The following UNC13C variants were observed in gnomAD, a reference collection of about 807,000 sequenced individuals.
UNC13C encodes unc-13 homolog C.
UNC13C carries 174 observed loss-of-function variants against 245.4 expected under a neutral mutation model. The ratio of observed to expected loss-of-function variants is 0.71; its 90% CI spans 0.63 to 0.80. UNC13C has a LOEUF of 0.80. Among genes scored for constraint, UNC13C ranks in the 30% least tolerant of loss-of-function variants. The pLI, the probability that UNC13C is intolerant of heterozygous loss-of-function variation, is 0.00. For synonymous variants in UNC13C, 992 were observed against 895.1 expected (o/e 1.11, Z -1.93); for missense variants, 2,829 against 2,602.9 (o/e 1.09, Z -1.89).
intron 10 of UNC13C, among the ~76,000 whole-genome samples, chr15:54,269,550 TAATGA>T (rs2036631937): frequency 6.6e-6 from 1 of 152,156 alleles, no homozygotes; most frequent in African/African-American, 2.4e-5. Context: ...ATCAACTGAG[TAATGA>T]TAAGTGCAGC....
intron 13 of UNC13C, chr15:54,321,100 C>G: frequency 2.0e-6 from 1 of 503,628 alleles, no homozygotes; most frequent in South Asian, 1.4e-5. Context: ...ACCACTTTGA[C>G]CTCTTCAACT....
chr15:54,613,449 GCTGT>G (rs1402806508), intron 30 of UNC13C, among the ~76,000 whole-genome samples: 1 of 151,828 alleles, frequency 6.6e-6, no homozygotes, highest in African/African-American at 2.4e-5. Flanking sequence ...GAATTACAAT[GCTGT>G]CTATTTAACA....
chr15:53,842,430 T>C, the UNC13C span, among the ~76,000 whole-genome samples: 3 of 152,174 alleles, frequency 2.0e-5, no homozygotes, highest in East Asian at 5.8e-4. Context: ...GGGCTGACAA[T>C]GTCCTAAGAT....
At chr15:54,552,530 A>G (rs1188215697) in intron 28 of UNC13C, among the ~76,000 whole-genome samples, 1 of 25,974 alleles carries the variant, frequency 3.9e-5, no homozygotes, top group Non-Finnish European at 5.8e-5. Flanking sequence ...TATATATAAT[A>G]ATATAATTAT....
At chr15:54,175,100 A>G (rs1339916884) in intron 4 of UNC13C, among the ~76,000 whole-genome samples, 2 of 152,128 alleles carry the variant, frequency 1.3e-5, no homozygotes, top group Non-Finnish European at 2.9e-5. Context: ...GCCTTTGGCT[A>G]CATTCATGAC....
chr15:54,299,617 C>A (rs12440882), intron 12 of UNC13C, among the ~76,000 whole-genome samples: 23,136 of 152,100 alleles, frequency 0.15, 1,866 homozygotes, highest in Non-Finnish European at 0.18. Context: ...CCCAACTTTA[C>A]TATCTAAAGT....
chr15:54,098,514 T>C (rs1295334606), intron 2 of UNC13C, among the ~76,000 whole-genome samples: 1 of 152,122 alleles, frequency 6.6e-6, no homozygotes, highest in Non-Finnish European at 1.5e-5. Flanking sequence ...CTTCCAGGAA[T>C]TGTAAGAAGC....
chr15:54,282,466 T>A (rs1449305086), intron 10 of UNC13C, among the ~76,000 whole-genome samples: 3 of 152,126 alleles, frequency 2.0e-5, no homozygotes, highest in Non-Finnish European at 4.4e-5. Flanking sequence ...AAGCCCCATG[T>A]GGGACCTGTG....
intron 19 of UNC13C, among the ~76,000 whole-genome samples, chr15:54,437,748 A>G (rs1022798569): frequency 6.6e-6 from 1 of 151,978 alleles, no homozygotes; most frequent in African/African-American, 2.4e-5. Flanking sequence ...GTTAGAACAC[A>G]GACGACATGT....
intron 4 of UNC13C, among the ~76,000 whole-genome samples, chr15:54,230,683 G>A (rs2035526896): frequency 6.6e-6 from 1 of 151,826 alleles, no homozygotes; most frequent in Admixed American, 6.6e-5. Flanking sequence ...TATCATTATG[G>A]AAAGAACTGA....
At chr15:54,289,074 A>T (rs16974443) in intron 10 of UNC13C, among the ~76,000 whole-genome samples, 2 of 151,894 alleles carry the variant, frequency 1.3e-5, no homozygotes, top group Admixed American at 1.3e-4. Flanking sequence ...CTGCTTGTAC[A>T]GGTACCTTTT....
chr15:54,015,249 A>G lies in UNC13C; in HGVS notation c.2346A>G (p.Arg782=). The change falls in exon 2 of 33, where the codon CGA becomes CGG. Residue 782 remains arginine (R), a synonymous_variant. Transcript: ENST00000260323. ...EDAPPKSWHS[R]LSIDLSDKTF... ...CCCCACCCAAATCATGGCATAGTCG[A>G]TTAAGCATTGACCTTTCTGATAAGA... 1 of 1,613,564 alleles carries G rather than the reference A, an allele frequency of 6.2e-7. No individual in the cohort carries two copies. The highest frequency in any genetic ancestry group is 8.5e-7 in the Non-Finnish European group (1 of 1,179,772).
chr15:54,249,695 G>A (rs965729576), intron 7 of UNC13C, among the ~76,000 whole-genome samples: 1 of 152,100 alleles, frequency 6.6e-6, no homozygotes, highest in African/African-American at 2.4e-5. Flanking sequence ...CCATGGGAGA[G>A]TGCCTCATTT....
intron 2 of UNC13C, among the ~76,000 whole-genome samples, chr15:54,035,942 G>T (rs1056843186): frequency 3.3e-5 from 5 of 152,070 alleles, no homozygotes; most frequent in Non-Finnish European, 5.9e-5. Context: ...TTTCTGTCTT[G>T]AGAAGAAGAT....
intron 2 of UNC13C, among the ~76,000 whole-genome samples, chr15:54,071,971 T>G (rs11071025): frequency 0.49 from 74,933 of 152,034 alleles, 20,321 homozygotes; most frequent in Non-Finnish European, 0.61. Context: ...GCCTTCCCAA[T>G]CAAACTATTT....
At chr15:54,486,925 T>A (rs1893444700) in intron 19 of UNC13C, among the ~76,000 whole-genome samples, 1 of 152,208 alleles carries the variant, frequency 6.6e-6, no homozygotes, top group Non-Finnish European at 1.5e-5. Context: ...AACATGCCAG[T>A]ATGGCTTTAG....
chr15:53,894,129 G>A, the UNC13C span, among the ~76,000 whole-genome samples: 12 of 152,120 alleles, frequency 7.9e-5, no homozygotes, highest in East Asian at 1.9e-4. Flanking sequence ...CAGGTGAGGC[G>A]ACACCCCACC....
At chr15:53,893,751 G>A in the UNC13C span, among the ~76,000 whole-genome samples, 1 of 151,892 alleles carries the variant, frequency 6.6e-6, no homozygotes, top group East Asian at 1.9e-4. Context: ...TGTGCTGGCA[G>A]CAAGAATTTC....
At chr15:54,432,696 A>T (rs1464316077) in intron 19 of UNC13C, among the ~76,000 whole-genome samples, 1 of 152,010 alleles carries the variant, frequency 6.6e-6, no homozygotes, top group Non-Finnish European at 1.5e-5. Flanking sequence ...GAACTAGACA[A>T]GCAAGAGCAA....
Sources: allele counts gnomAD v4.1 joint callset (sites outside exome capture counted in the v4.1 genomes callset), GRCh38; gene constraint gnomAD v4.1.1; transcripts MANE v1.5; gene names NCBI Gene and HGNC (gene_info 2026-07-23, HGNC 2026-07-21).